The following KIF13A variants were observed in gnomAD, a reference collection of about 807,000 sequenced individuals.
KIF13A encodes the protein kinesin-like protein KIF13A.
KIF13A carries 79 observed loss-of-function variants against 212.2 expected under a neutral mutation model. That is an observed-to-expected ratio of 0.37 (90% CI 0.31 to 0.45). KIF13A has a LOEUF of 0.45. KIF13A is among the 20% of genes least tolerant of loss of function. KIF13A has a pLI of 1.00. For missense variants in KIF13A, 1,901 were observed against 2,209.0 expected (o/e 0.86, Z 2.79); for synonymous variants, 789 against 808.6 (o/e 0.98, Z 0.41).
chr6:17,779,236 CATATATATAT>C (rs149719669), intron 32 of KIF13A, 137 bp from the exon 33 acceptor site: 6 of 254,928 alleles, frequency 2.4e-5, no homozygotes, highest in Admixed American at 8.0e-5. Context: ...TTTAAAGTAG[CATATATATAT>C]ATATATATAT....
intron 2 of KIF13A, among the ~76,000 whole-genome samples, chr6:17,902,959 T>C (rs1581684579): frequency 6.6e-6 from 1 of 152,232 alleles, no homozygotes; most frequent in East Asian, 1.9e-4. Context: ...TGTGAGGATT[T>C]ACTTAAATCA....
chr6:17,889,181 C>A (rs969627277), intron 3 of KIF13A, among the ~76,000 whole-genome samples: 1 of 152,234 alleles, frequency 6.6e-6, no homozygotes, highest in Middle Eastern at 3.4e-3. Flanking sequence ...AATAAGGTTT[C>A]CCCCTTACTT....
rs1760025804 is a variant in KIF13A at position 17,776,832 on chromosome 6, G to T, written c.4170+445C>A. ...ACTGGTTGAGAAAAATAACGAAAATGGTCAAAGGAACAACTAGGGACTCCA... is the reference window on the plus strand; with the variant it reads ...ACTGGTTGAGAAAAATAACGAAAATTGTCAAAGGAACAACTAGGGACTCCA... On this transcript the variant is annotated intron_variant, in intron 34 of 38. Coordinates refer to ENST00000259711, the MANE Select transcript of KIF13A (RefSeq NM_022113.6). The surrounding 1 kb of genome is among the most constrained non-coding windows in gnomAD (Gnocchi z 4.6). Among the ~76,000 whole-genome samples the T allele has an allele frequency of 6.6e-6, 1 of 152,088 alleles. No homozygotes were observed. Among genetic ancestry groups the T allele is most frequent in the Non-Finnish European group, 1.5e-5 (1 of 68,022 alleles).
At position 17,987,511 on chromosome 6, in the gene KIF13A, CG is replaced by C; in HGVS notation, c.-49del. 9.6e-7 allele frequency: 1 copy of C among 1,041,506 alleles called. No individual in the cohort carries two copies. The highest frequency in any genetic ancestry group is 1.7e-5 in the African/African-American group (1 of 57,290). The allele number at this position is 1,041,506 out of a possible 1,614,324, so 64.5% of individuals were successfully genotyped here. ...CTCGCCGCGCCCGCTCGGCCTTAGG[CG>C]GCCCCTCACGCGCGGCGCCGCCGCC... is the stretch of plus-strand genomic sequence containing the variant. On this transcript the variant is annotated 5_prime_UTR_variant, in exon 1 of 39. Transcript: ENST00000259711. This position sits in a 1 kb window ranked among gnomAD's most constrained non-coding sequence, Gnocchi z 7.7.
intron 9 of KIF13A, among the ~76,000 whole-genome samples, chr6:17,848,962 A>G (rs909543380): frequency 2.6e-5 from 4 of 152,042 alleles, no homozygotes; most frequent in Admixed American, 1.3e-4. Context: ...CTGTTGCCCA[A>G]GCTGGAGTGT....
At chr6:17,824,528 G>A (rs910672877) in intron 16 of KIF13A, among the ~76,000 whole-genome samples, 2 of 152,056 alleles carry the variant, frequency 1.3e-5, no homozygotes, top group African/African-American at 4.8e-5. Flanking sequence ...GGGAGGCCAA[G>A]ACAGGCGGAT....
Position 17,777,385 on chromosome 6 carries a change from T to A in KIF13A, c.4093-31A>T. 6.9e-7 allele frequency: 1 copy of A among 1,450,278 alleles called. No homozygotes were observed. Among genetic ancestry groups the A allele is most frequent in the Non-Finnish European group, 9.4e-7 (1 of 1,059,064 alleles). The allele number at this position is 1,450,278 out of a possible 1,614,324, so 89.8% of individuals were successfully genotyped here. On this transcript the variant is annotated intron_variant, in intron 33 of 38. Coordinates refer to ENST00000259711, the MANE Select transcript of KIF13A (RefSeq NM_022113.6). This position sits in a 1 kb window ranked among gnomAD's most constrained non-coding sequence, Gnocchi z 4.4. Reference sequence around the variant, plus strand: ...AACATAATAATTTGAAAATAACACTTTTTTTTTTTTTCCCCAGAGACAGAG... The same window carrying A: ...AACATAATAATTTGAAAATAACACTATTTTTTTTTTTCCCCAGAGACAGAG...
In KIF13A at chr6:17,872,579, T is replaced by C. The variant is rs1770117588; in HGVS notation, c.220+798A>G. Among the ~76,000 whole-genome samples the C allele has an allele frequency of 1.3e-5, 2 of 152,346 alleles. No homozygotes were observed. Among genetic ancestry groups the C allele is most frequent in the East Asian group, 1.9e-4 (1 of 5,194 alleles). ...ATTTAGCCATTCCATAATATATACA[T>C]ATTTCAAAACATCACACTGTACATG... On this transcript the variant is annotated intron_variant, in intron 4 of 38. Transcript: ENST00000259711. This position sits in a 1 kb window ranked among gnomAD's most constrained non-coding sequence, Gnocchi z 4.7.
At position 17,974,850 on chromosome 6, in the gene KIF13A, A is replaced by T. The variant is rs1374135335; in HGVS notation, c.146+12204T>A. On this transcript the variant is annotated intron_variant, in intron 2 of 38. Transcript: ENST00000259711. ...TATAGCTGTTTAAATCAATGAAAAT[A>T]AAAGTTAAATTCCTTGATCATAACC... 3.9e-5 allele frequency among the ~76,000 whole-genome samples: 6 copies of T among 152,236 alleles called. No individual in the cohort carries two copies. In the East Asian group the frequency reaches 1.2e-3, roughly 29 times the overall value.
chr6:17,850,345 G>T lies in KIF13A; in HGVS notation c.695C>A (p.Thr232Lys). The T allele has an allele frequency of 6.2e-7, 1 of 1,613,770 alleles. No individual in the cohort carries two copies. The highest frequency in any genetic ancestry group is 1.1e-5 in the South Asian group (1 of 91,064). The change falls in exon 8 of 39, where the codon ACA (threonine) becomes AAA (lysine). Residue 232 changes from threonine (T) to lysine (K), a missense_variant. Around this residue, in one of 5 missense-constraint regions of KIF13A, gnomAD observed 506 missense variants for 637.4 expected, o/e 0.79. Coordinates refer to ENST00000259711, the MANE Select transcript of KIF13A (RefSeq NM_022113.6). This position sits in a 1 kb window ranked among gnomAD's most constrained non-coding sequence, Gnocchi z 6.2. The stretch of plus-strand genomic sequence containing the variant: ...TACCCCAGACTGCAGGTCATAAAGT[G>T]TCTGTGTGATTATGATGTTGAACAC... ...HAVFNIIITQ[T>K]LYDLQSGNSG... is the part of the protein sequence containing the mutation.
chr6:17,972,601 C>T (rs1581907916), intron 2 of KIF13A, among the ~76,000 whole-genome samples: 1 of 152,064 alleles, frequency 6.6e-6, no homozygotes, highest in Non-Finnish European at 1.5e-5. Flanking sequence ...TTCCAAAATC[C>T]GGGACAGATC....
chr6:17,809,538 T>C lies in KIF13A; in HGVS notation c.2001-608A>G, dbSNP rs1763255035. On this transcript the variant is annotated intron_variant, in intron 17 of 38. Coordinates refer to ENST00000259711, the MANE Select transcript of KIF13A (RefSeq NM_022113.6). The surrounding 1 kb of genome is among the most constrained non-coding windows in gnomAD (Gnocchi z 4.7). ...CATTTGCCATAGTTAGAACTTTTCA[T>C]TTTTACTCGTATAATTATTTGTTTA... Among the ~76,000 whole-genome samples the C allele has an allele frequency of 6.6e-6, 1 of 152,220 alleles. No homozygotes were observed. The highest frequency in any genetic ancestry group is 2.1e-4 in the South Asian group (1 of 4,830).
At chr6:17,950,109 T>C (rs912957889) in intron 2 of KIF13A, among the ~76,000 whole-genome samples, 4 of 152,290 alleles carry the variant, frequency 2.6e-5, no homozygotes, top group Admixed American at 6.5e-5. Context: ...CTAGGATATA[T>C]AGTCTGTGGC....
At chr6:17,835,302 C>T (rs1230593555) in intron 11 of KIF13A, among the ~76,000 whole-genome samples, 1 of 150,144 alleles carries the variant, frequency 6.7e-6, no homozygotes, top group Non-Finnish European at 1.5e-5. Flanking sequence ...TTTCCTTCAG[C>T]CAGGTATTGC....
In KIF13A at chr6:17,777,293, G is replaced by A. The variant is rs1269454988; in HGVS notation, c.4154C>T (p.Thr1385Ile). Residue 1385 changes from threonine (T) to isoleucine (I), a missense_variant, in exon 34 of 39, where the codon ACA becomes ATA. Transcript: ENST00000259711. This position sits in a 1 kb window ranked among gnomAD's most constrained non-coding sequence, Gnocchi z 4.4. ...KARHIRRSLS[T>I]PNVHNVSSSR... is the part of the protein sequence containing the mutation. The stretch of plus-strand genomic sequence containing the variant: ...TGCACTTACATTATGAACATTTGGT[G>A]TACTGAGGCTCCTCCGAATGTGCCG... 18 of 1,612,450 alleles carry A rather than the reference G, an allele frequency of 1.1e-5. No individual in the cohort carries two copies. The highest frequency in any genetic ancestry group is 1.5e-5 in the Non-Finnish European group (18 of 1,179,120).
At chr6:17,952,033 G>A (rs551953919) in intron 2 of KIF13A, among the ~76,000 whole-genome samples, 1 of 152,260 alleles carries the variant, frequency 6.6e-6, no homozygotes, top group Admixed American at 6.5e-5. Flanking sequence ...GCCGGGCGTG[G>A]TGGCTCACGC....
At chr6:17,861,752 A>C (rs186415799) in intron 4 of KIF13A, among the ~76,000 whole-genome samples, 1 of 152,286 alleles carries the variant, frequency 6.6e-6, no homozygotes, top group East Asian at 1.9e-4. Flanking sequence ...CTTCTCATTA[A>C]TTTTAAAATC....
intron 9 of KIF13A, among the ~76,000 whole-genome samples, chr6:17,848,963 G>T (rs545377622): frequency 6.6e-6 from 1 of 152,174 alleles, no homozygotes; most frequent in African/African-American, 2.4e-5. Flanking sequence ...TGTTGCCCAA[G>T]CTGGAGTGTA....
chr6:17,882,604 C>T (rs1010479003), intron 3 of KIF13A, among the ~76,000 whole-genome samples: 2 of 151,634 alleles, frequency 1.3e-5, no homozygotes, highest in African/African-American at 4.8e-5. Flanking sequence ...CTCTGTCGCC[C>T]AGGCTGGAGC....
Sources: gnomAD v4.1 joint callset for allele counts (sites outside exome capture counted in the v4.1 genomes callset) on GRCh38, gnomAD v4.1.1 for gene constraint, gnomAD v4.1.1 regional missense constraint, Gnocchi (gnomAD v3.1) non-coding constraint, MANE v1.5 for transcripts, NCBI Gene and HGNC (gene_info 2026-07-23, HGNC 2026-07-21) for gene names.